The following MTMR7 variants were observed in gnomAD, a reference collection of about 807,000 sequenced individuals.
The protein encoded by MTMR7 is phosphatidylinositol-3-phosphate phosphatase MTMR7.
A neutral mutation model predicts 81.2 loss-of-function variants in MTMR7; 76 were observed. The observed-to-expected ratio is 0.94, with a 90% CI of 0.78 to 1.13. MTMR7 has a LOEUF of 1.13. MTMR7 is among the 50% of genes most tolerant of loss of function. The probability of loss-of-function intolerance (pLI) is 0.00; values close to 1 mark genes in which losing one functional copy is unlikely to be tolerated. For missense variants in MTMR7, 1,044 were observed against 820.0 expected (o/e 1.27, Z -3.34); for synonymous variants, 372 against 289.8 (o/e 1.28, Z -2.88).
chr8:17,347,903 G>T (rs1241046733), intron 5 of MTMR7, among the ~76,000 whole-genome samples: 1 of 152,158 alleles, frequency 6.6e-6, no homozygotes, highest in Non-Finnish European at 1.5e-5. Flanking sequence ...TCCGTCACCT[G>T]CCACCTGCAG....
intron 3 of MTMR7, among the ~76,000 whole-genome samples, chr8:17,370,321 G>C (rs1283959488): frequency 6.6e-6 from 1 of 151,904 alleles, no homozygotes; most frequent in Non-Finnish European, 1.5e-5. Flanking sequence ...ACGAGTTCAA[G>C]ACCAGCCTGG....
At chr8:17,393,939 G>C (rs570593707) in intron 1 of MTMR7, among the ~76,000 whole-genome samples, 1 of 152,256 alleles carries the variant, frequency 6.6e-6, no homozygotes, top group South Asian at 2.1e-4. Flanking sequence ...TAGCTAATAA[G>C]CACATAAAAA....
At chr8:17,326,303 TAA>T (rs1289973807) in intron 7 of MTMR7, 5 of 152,198 alleles carry the variant, frequency 3.3e-5, no homozygotes, top group Non-Finnish European at 5.9e-5. Context: ...AAAATGAAGA[TAA>T]GAGTGGCAAC....
intron 1 of MTMR7, among the ~76,000 whole-genome samples, chr8:17,375,565 T>G (rs1415681893): frequency 1.3e-5 from 2 of 152,084 alleles, no homozygotes; most frequent in Non-Finnish European, 2.9e-5. Flanking sequence ...GTGTATTTTT[T>G]GTGAATGGTC....
At chr8:17,349,136 C>G (rs975246094) in intron 4 of MTMR7, 55 bp from the exon 5 acceptor site, 19 of 1,583,800 alleles carry the variant, frequency 1.2e-5, no homozygotes, top group Non-Finnish European at 1.5e-5. Context: ...GCCCTGCGAA[C>G]TGCCCCCAGA....
chr8:17,407,272 A>G (rs896030445), intron 1 of MTMR7, among the ~76,000 whole-genome samples: 1 of 152,172 alleles, frequency 6.6e-6, no homozygotes, highest in African/African-American at 2.4e-5. Flanking sequence ...GCTGGTAAAA[A>G]AAAATACACT....
In MTMR7 at chr8:17,371,172, C is replaced by T. The variant is rs1433876719; in HGVS notation, c.175G>A (p.Glu59Lys). 1.2e-6 allele frequency: 2 copies of T among 1,613,956 alleles called. No individual in the cohort carries two copies. Residue 59 changes from glutamate to lysine, a missense_variant, in exon 3 of 14, where the codon GAG becomes AAG. Transcript: ENST00000180173. ...CCGGTAGCGGTTGTTGCCTGTTTCT[C>T]AATGGTGGAAATCTGACTGTGAAGA... ...WILHSQISTIEKQATTATGCP... is the reference protein window; with the variant it reads ...WILHSQISTIKKQATTATGCP...
chr8:17,365,231 T>G (rs1352698692), intron 3 of MTMR7, among the ~76,000 whole-genome samples: 1 of 152,224 alleles, frequency 6.6e-6, no homozygotes, highest in Non-Finnish European at 1.5e-5. Context: ...TAATGTCTCT[T>G]GAGGTCCCTT....
At chr8:17,395,218 G>A (rs548896133) in intron 1 of MTMR7, among the ~76,000 whole-genome samples, 1 of 151,928 alleles carries the variant, frequency 6.6e-6, no homozygotes, top group Non-Finnish European at 1.5e-5. Flanking sequence ...TGTCTTCAAG[G>A]TTCACCCATA....
Position 17,390,668 on chromosome 8 carries a change from T to G in MTMR7, c.25-17428A>C, listed in dbSNP as rs566548445. Among the ~76,000 whole-genome samples the G allele has an allele frequency of 7.9e-4, 119 of 151,510 alleles. 1 individual carries two copies. The highest frequency in any genetic ancestry group is 2.7e-3 in the African/African-American group (113 of 41,358). Reference sequence around the variant, plus strand: ...GGAAAGAGGTTTAATTGACTCACAGTTCTGCATGGCTGGGGAGGCCTCAGG... The same window carrying G: ...GGAAAGAGGTTTAATTGACTCACAGGTCTGCATGGCTGGGGAGGCCTCAGG... On this transcript the variant is annotated intron_variant, in intron 1 of 13. Transcript: ENST00000180173.
intron 1 of MTMR7, among the ~76,000 whole-genome samples, chr8:17,396,071 A>G (rs1821237024): frequency 6.6e-6 from 1 of 152,142 alleles, no homozygotes; most frequent in Non-Finnish European, 1.5e-5. Context: ...TCAATGTTAA[A>G]TAATATAATA....
At chr8:17,411,704 T>C (rs1423933087) in intron 1 of MTMR7, among the ~76,000 whole-genome samples, 1 of 152,168 alleles carries the variant, frequency 6.6e-6, no homozygotes, top group Non-Finnish European at 1.5e-5. Context: ...TTAGAGGGTA[T>C]CCATAAACAC....
At chr8:17,390,161 G>C (rs186459768) in intron 1 of MTMR7, among the ~76,000 whole-genome samples, 1 of 152,148 alleles carries the variant, frequency 6.6e-6, no homozygotes, top group Non-Finnish European at 1.5e-5. Flanking sequence ...TTTATAAAGA[G>C]AAGAGGTTTA....
intron 6 of MTMR7, among the ~76,000 whole-genome samples, chr8:17,336,712 T>G (rs950635215): frequency 3.3e-5 from 5 of 152,182 alleles, no homozygotes; most frequent in African/African-American, 1.2e-4. Context: ...AGGCAAGCGC[T>G]GCCTCGCCCT....
chr8:17,362,971 G>A (rs1041954533), intron 3 of MTMR7, among the ~76,000 whole-genome samples: 6 of 152,204 alleles, frequency 3.9e-5, no homozygotes, highest in African/African-American at 1.4e-4. Context: ...AGCAACTGCT[G>A]TATGTCAGTG....
chr8:17,348,573 A>T (rs1819634101), intron 5 of MTMR7, among the ~76,000 whole-genome samples: 1 of 144,662 alleles, frequency 6.9e-6, no homozygotes, highest in African/African-American at 2.6e-5. Context: ...AAAAAACGTA[A>T]TAGAGAAAAA....
intron 6 of MTMR7, among the ~76,000 whole-genome samples, chr8:17,338,314 C>T (rs1272798546): frequency 6.6e-6 from 1 of 152,146 alleles, no homozygotes; most frequent in Non-Finnish European, 1.5e-5. Context: ...ATATGCCTGG[C>T]TCTACAGCTG....
At chr8:17,370,130 T>A (rs1028446031) in intron 3 of MTMR7, among the ~76,000 whole-genome samples, 5 of 145,192 alleles carry the variant, frequency 3.4e-5, no homozygotes, top group African/African-American at 1.3e-4. Flanking sequence ...CACATTAAGT[T>A]TTTTTTTTTT....
chr8:17,407,021 C>T (rs1252856211), intron 1 of MTMR7, among the ~76,000 whole-genome samples: 2 of 151,944 alleles, frequency 1.3e-5, no homozygotes. Context: ...TGAAAATGTT[C>T]TGAAATTAGA....
Sources: gnomAD v4.1 joint callset for allele counts (sites outside exome capture counted in the v4.1 genomes callset) on GRCh38, gnomAD v4.1.1 for gene constraint, MANE v1.5 for transcripts, NCBI Gene and HGNC (gene_info 2026-07-23, HGNC 2026-07-21) for gene names.